Variants in SH3PXD2A observed in about 807,000 individuals in gnomAD.
SH3PXD2A encodes SH3 and PX domain-containing protein 2A.
SH3PXD2A carries 32 observed loss-of-function variants against 115.2 expected under a neutral mutation model. The observed-to-expected ratio is 0.28, with a 90% CI of 0.21 to 0.37. The LOEUF is 0.37. Ranked by LOEUF, SH3PXD2A falls within the 10% of genes least tolerant of loss-of-function variation. The pLI is 1.00. For missense variants in SH3PXD2A, 1,328 were observed against 1,498.7 expected, an observed-to-expected ratio of 0.89 and a Z score of 1.88; for synonymous variants, 610 against 629.1, an observed-to-expected ratio of 0.97 and a Z score of 0.45.
At chr10:103,751,423 C>T (rs1020912313) in intron 3 of SH3PXD2A, among the ~76,000 whole-genome samples, 1 of 152,094 alleles carries the variant, frequency 6.6e-6, no homozygotes, top group Non-Finnish European at 1.5e-5. Flanking sequence ...TCACAACAGC[C>T]CAACAATATA....
intron 5 of SH3PXD2A, among the ~76,000 whole-genome samples, chr10:103,717,182 T>A (rs2038114855): frequency 6.6e-6 from 1 of 151,310 alleles, no homozygotes; most frequent in Non-Finnish European, 1.5e-5. Context: ...TCCGGAGAGG[T>A]TGAGAATCCT....
At chr10:103,612,101 AAAG>A (rs1277702801) in intron 12 of SH3PXD2A, among the ~76,000 whole-genome samples, 2 of 152,228 alleles carry the variant, frequency 1.3e-5, no homozygotes, top group African/African-American at 4.8e-5. Flanking sequence ...GAGCTAAACT[AAAG>A]AAACAGCTTT....
At chr10:103,775,212 T>C (rs1386614613) in intron 2 of SH3PXD2A, among the ~76,000 whole-genome samples, 1 of 152,090 alleles carries the variant, frequency 6.6e-6, no homozygotes, top group Non-Finnish European at 1.5e-5. Context: ...CCTTAACAAG[T>C]CAAAGAAGTC....
At chr10:103,703,311 C>G (rs1054542124) in intron 5 of SH3PXD2A, among the ~76,000 whole-genome samples, 1 of 152,220 alleles carries the variant, frequency 6.6e-6, no homozygotes, top group Non-Finnish European at 1.5e-5. Flanking sequence ...CACCAAGCAG[C>G]CAGATGTGCC....
chr10:103,807,355 G>A (rs780376975), intron 1 of SH3PXD2A, among the ~76,000 whole-genome samples: 2 of 152,216 alleles, frequency 1.3e-5, no homozygotes, highest in African/African-American at 2.4e-5. Context: ...GGAGGAAATT[G>A]CATATCTCCA....
chr10:103,706,949 G>A (rs1357429109), intron 5 of SH3PXD2A, among the ~76,000 whole-genome samples: 4 of 152,300 alleles, frequency 2.6e-5, no homozygotes, highest in Admixed American at 6.5e-5. Flanking sequence ...CCTGTGCTCC[G>A]TCCTCTGTGA....
At chr10:103,809,501 C>T (rs1330610615) in intron 1 of SH3PXD2A, among the ~76,000 whole-genome samples, 2 of 152,164 alleles carry the variant, frequency 1.3e-5, no homozygotes, top group Non-Finnish European at 2.9e-5. Flanking sequence ...GATGGACCTT[C>T]TCTGGGGAAA....
intron 1 of SH3PXD2A, among the ~76,000 whole-genome samples, chr10:103,818,500 G>T (rs1240478426): frequency 6.6e-6 from 1 of 152,166 alleles, no homozygotes; most frequent in Non-Finnish European, 1.5e-5. Flanking sequence ...TTAACACTGA[G>T]AATTGGAAAG....
rs1221483843 is a variant in SH3PXD2A, at chr10:103,601,659, CA to C, written c.*156del. On this transcript the variant is annotated 3_prime_UTR_variant, in exon 15 of 15. Coordinates refer to ENST00000369774, the MANE Select transcript of SH3PXD2A (RefSeq NM_001394015.1). ...CCTTCCAGCTGTGGGATGGCTTGGA[CA>C]GGGGGCATCTTTGAGGTCACCCATT... The C allele has an allele frequency of 1.7e-6, 1 of 572,766 alleles. No individual in the cohort carries two copies. Among genetic ancestry groups the C allele is most frequent in the Non-Finnish European group, 3.1e-6 (1 of 318,698 alleles). 35.5% of individuals were successfully genotyped at this position (572,766 alleles called of 1,614,324 possible).
chr10:103,714,842 C>T (rs890348659), intron 5 of SH3PXD2A, among the ~76,000 whole-genome samples: 2 of 152,178 alleles, frequency 1.3e-5, no homozygotes, highest in Non-Finnish European at 2.9e-5. Flanking sequence ...GCACACAGAG[C>T]CATCTTGATG....
chr10:103,839,204 T>C (rs985908714), intron 1 of SH3PXD2A, among the ~76,000 whole-genome samples: 1 of 152,172 alleles, frequency 6.6e-6, no homozygotes, highest in Non-Finnish European at 1.5e-5. Flanking sequence ...TCCAGCCTCC[T>C]TCATCACTAG....
At position 103,620,875 on chromosome 10, in the gene SH3PXD2A, G is replaced by A. The variant is rs2036592625; in HGVS notation, c.802+1595C>T. On this transcript the variant is annotated intron_variant, in intron 10 of 14. Transcript: ENST00000369774. This position sits in a 1 kb window ranked among gnomAD's most constrained non-coding sequence, Gnocchi z 5.3. ...TGCAAGGCGTTGTGTGTATGAAGCT[G>A]TATGTGCCCTTGTGAGTGTTGCTGT... 6.6e-6 allele frequency among the ~76,000 whole-genome samples: 1 copy of A among 152,198 alleles called. No homozygotes were observed. The highest frequency in any genetic ancestry group is 2.1e-4 in the South Asian group (1 of 4,824).
chr10:103,609,991 C>T (rs1189531994), intron 13 of SH3PXD2A: 1 of 152,246 alleles, frequency 6.6e-6, no homozygotes, highest in Non-Finnish European at 1.5e-5. Flanking sequence ...AGATAACATA[C>T]ATCACTTTGG....
chr10:103,788,917 C>T (rs2039005756), intron 2 of SH3PXD2A, among the ~76,000 whole-genome samples: 1 of 152,110 alleles, frequency 6.6e-6, no homozygotes, highest in African/African-American at 2.4e-5. Flanking sequence ...GTCCCTGAGA[C>T]ACAGGGATGG....
chr10:103,818,118 C>A (rs181812743), intron 1 of SH3PXD2A, among the ~76,000 whole-genome samples: 14 of 152,306 alleles, frequency 9.2e-5, no homozygotes, highest in African/African-American at 3.4e-4. Context: ...AGAAGGGAGA[C>A]AATGTACCTC....
rs775424414 is a variant in SH3PXD2A at position 103,685,337 on chromosome 10, CAAAAAAA to C, written c.427+7684_427+7690del. On this transcript the variant is annotated intron_variant, in intron 6 of 14. Transcript: ENST00000369774. Reference sequence around the variant, plus strand: ...CCAGGCAAACAGCAAAACTCTGTCTCAAAAAAAAAAAAAAAAAAAAAAAAAGAGAATC... The same window carrying C: ...CCAGGCAAACAGCAAAACTCTGTCTCAAAAAAAAAAAAAAAAAAGAGAATC... 8.9e-5 allele frequency among the ~76,000 whole-genome samples: 5 copies of C among 56,390 alleles called. No homozygotes were observed. The South Asian group carries it at 3.3e-3, about 37-fold the overall frequency. The allele number at this position is 56,390 out of a possible 152,430, so 37.0% of individuals were successfully genotyped here. A position where few individuals can be genotyped will look rare whatever the true frequency, so the allele number is the denominator to read the frequency against.
intron 9 of SH3PXD2A, among the ~76,000 whole-genome samples, chr10:103,626,172 G>C (rs1012878675): frequency 1.3e-5 from 2 of 152,274 alleles, no homozygotes; most frequent in Non-Finnish European, 2.9e-5. Flanking sequence ...GTAAAGCCTC[G>C]ACATAGGAGG....
Position 103,665,843 on chromosome 10 carries a change from A to G in SH3PXD2A, c.472+2765T>C, listed in dbSNP as rs2037377159. Among the ~76,000 whole-genome samples the G allele has an allele frequency of 6.6e-6, 1 of 152,106 alleles. No individual in the cohort carries two copies. The highest frequency in any genetic ancestry group is 2.1e-4 in the South Asian group (1 of 4,824). On this transcript the variant is annotated intron_variant, in intron 7 of 14. Transcript: ENST00000369774. This position sits in a 1 kb window ranked among gnomAD's most constrained non-coding sequence, Gnocchi z 4.0. ...TAGATGAGGAGTGCTTGGCAGGAGCATGGAGAAGGGGTGTACCTCTTCTAG... is the reference window on the plus strand; with the variant it reads ...TAGATGAGGAGTGCTTGGCAGGAGCGTGGAGAAGGGGTGTACCTCTTCTAG...
intron 1 of SH3PXD2A, among the ~76,000 whole-genome samples, chr10:103,825,858 G>C (rs1022371551): frequency 6.7e-6 from 1 of 149,848 alleles, no homozygotes; most frequent in African/African-American, 2.5e-5. Context: ...CCACCTCCCG[G>C]GTTCTCGCCA....
Sources: allele counts gnomAD v4.1 joint callset (sites outside exome capture counted in the v4.1 genomes callset), GRCh38; gene constraint gnomAD v4.1.1; non-coding constraint Gnocchi (gnomAD v3.1); transcripts MANE v1.5; gene names NCBI Gene and HGNC (gene_info 2026-07-23, HGNC 2026-07-21).